The following NSD3 variants were observed in gnomAD, a reference collection of about 807,000 sequenced individuals.
NSD3 encodes the protein nuclear receptor binding SET domain protein 3, also known as histone-lysine N-methyltransferase NSD3.
NSD3 carries 24 observed loss-of-function variants against 160.8 expected under a neutral mutation model. The observed-to-expected ratio is 0.15, with a 90% CI of 0.11 to 0.21. The LOEUF is 0.21. Among genes scored for constraint, NSD3 ranks in the 10% least tolerant of loss-of-function variants. The pLI, the probability that NSD3 is intolerant of heterozygous loss-of-function variation, is 1.00. For missense variants in NSD3, 1,157 were observed against 1,735.9 expected (o/e 0.67, Z 5.93); for synonymous variants, 520 against 600.0 (o/e 0.87, Z 1.95).
intron 1 of NSD3, among the ~76,000 whole-genome samples, chr8:38,363,670 G>T (rs1049333080): frequency 3.3e-4 from 49 of 149,338 alleles, no homozygotes; most frequent in Admixed American, 6.7e-4. Flanking sequence ...AAAAGGGAAG[G>T]AAACAGCTAG....
intron 11 of NSD3, 117 bp downstream of exon 11, chr8:38,315,299 T>C (rs1033049642): frequency 1.6e-6 from 2 of 1,256,566 alleles, no homozygotes; most frequent in Non-Finnish European, 1.0e-6. Flanking sequence ...ATCTGTAGCT[T>C]TAAAGTAATA....
At chr8:38,366,186 C>G (rs960835611) in intron 1 of NSD3, among the ~76,000 whole-genome samples, 4 of 149,812 alleles carry the variant, frequency 2.7e-5, no homozygotes, top group African/African-American at 9.8e-5. Context: ...GGTCGGCAAT[C>G]TATAGTCTGC....
chr8:38,335,603 T>C (rs1810198496), intron 4 of NSD3, among the ~76,000 whole-genome samples: 1 of 151,840 alleles, frequency 6.6e-6, no homozygotes, highest in Non-Finnish European at 1.5e-5. Flanking sequence ...CATATAACCA[T>C]AGATTATTAG....
At position 38,273,637 on chromosome 8, in the gene NSD3, G is replaced by C. The variant is rs555282276; in HGVS notation, c.*2004C>G. ...ACATCATATACAAAATAAAATTTTAGTATGATAAAACCTAGCTTTTCTTAT... is the reference window on the plus strand; with the variant it reads ...ACATCATATACAAAATAAAATTTTACTATGATAAAACCTAGCTTTTCTTAT... On this transcript the variant is annotated 3_prime_UTR_variant, in exon 24 of 24. Coordinates refer to ENST00000317025, the MANE Select transcript of NSD3 (RefSeq NM_023034.2). 204 of 152,290 alleles carry C rather than the reference G, an allele frequency of 1.3e-3. No individual in the cohort carries two copies. Among genetic ancestry groups the C allele is most frequent in the African/African-American group, 4.7e-3 (196 of 41,568 alleles). 9.4% of individuals were successfully genotyped at this position (152,290 alleles called of 1,614,324 possible).
At chr8:38,367,771 AAG>A (rs1252559907) in intron 1 of NSD3, among the ~76,000 whole-genome samples, 2 of 152,184 alleles carry the variant, frequency 1.3e-5, no homozygotes, top group Non-Finnish European at 2.9e-5. Flanking sequence ...AACATTATTT[AAG>A]ATGACCATTA....
chr8:38,329,972 C>G lies in NSD3; in HGVS notation c.1066-79G>C. ...AATTGATATGTATTTCCCATGTGAT[C>G]CTGTTATCTTTTCAGGTCTACATAA... is the stretch of plus-strand genomic sequence containing the variant. On this transcript the variant is annotated intron_variant, in intron 5 of 23. Coordinates refer to ENST00000317025, the MANE Select transcript of NSD3 (RefSeq NM_023034.2). This position sits in a 1 kb window ranked among gnomAD's most constrained non-coding sequence, Gnocchi z 4.8. The G allele has an allele frequency of 6.8e-7, 1 of 1,469,710 alleles. No homozygotes were observed. The highest frequency in any genetic ancestry group is 9.0e-7 in the Non-Finnish European group (1 of 1,107,862). The allele number at this position is 1,469,710 out of a possible 1,614,324, so 91.0% of individuals were successfully genotyped here.
rs1809701933 is a variant in NSD3 at position 38,317,678 on chromosome 8, C to T, written c.1855+1217G>A. ...TAAAAACAAAAAACCAAAAACAGTC[C>T]ATGTTGAAATTGATCAGTGTAAGTT... On this transcript the variant is annotated intron_variant, in intron 9 of 23. Transcript: ENST00000317025. The surrounding 1 kb of genome is among the most constrained non-coding windows in gnomAD (Gnocchi z 5.3). The T allele has an allele frequency of 4.1e-6, 5 of 1,232,550 alleles. No homozygotes were observed. The highest frequency in any genetic ancestry group is 5.1e-6 in the Non-Finnish European group (5 of 982,592). 76.4% of individuals were successfully genotyped at this position (1,232,550 alleles called of 1,614,324 possible).
rs1808385907 is a variant in NSD3 at position 38,270,004 on chromosome 8, A to G, written c.*5637T>C. On this transcript the variant is annotated 3_prime_UTR_variant, in exon 24 of 24. Coordinates refer to ENST00000317025, the MANE Select transcript of NSD3 (RefSeq NM_023034.2). The stretch of plus-strand genomic sequence containing the variant: ...GTTAACCAAGCTTTACACGTTTCAC[A>G]CTATGCAATAAAACATAGGCCAATC... 6.6e-6 allele frequency: 1 copy of G among 152,256 alleles called. No individual in the cohort carries two copies. Among genetic ancestry groups the G allele is most frequent in the South Asian group, 2.1e-4 (1 of 4,836 alleles). The allele number at this position is 152,256 out of a possible 1,614,324, so 9.4% of individuals were successfully genotyped here. A position where few individuals can be genotyped will look rare whatever the true frequency, so the allele number is the denominator to read the frequency against.
In NSD3 at chr8:38,331,784, C is replaced by T. The variant is rs554267871; in HGVS notation, c.911-199G>A. On this transcript the variant is annotated intron_variant, in intron 4 of 23. Coordinates refer to ENST00000317025, the MANE Select transcript of NSD3 (RefSeq NM_023034.2). ...AAAAATCACCACAAATAATTGATTG[C>T]ACCACTGCACTCCAGCCTGGGTGAC... Among the ~76,000 whole-genome samples the T allele has an allele frequency of 2.6e-5, 4 of 152,336 alleles. 1 individual carries two copies. Among genetic ancestry groups the T allele is most frequent in the Non-Finnish European group, 5.9e-5 (4 of 68,032 alleles).
At chr8:38,334,521 G>C (rs1298036321) in intron 4 of NSD3, among the ~76,000 whole-genome samples, 1 of 152,074 alleles carries the variant, frequency 6.6e-6, no homozygotes, top group Non-Finnish European at 1.5e-5. Flanking sequence ...TTGGGAGGCC[G>C]AGGCAGGCAG....
chr8:38,342,883 G>T (rs1427285647), intron 2 of NSD3, among the ~76,000 whole-genome samples: 1 of 151,054 alleles, frequency 6.6e-6, no homozygotes, highest in Non-Finnish European at 1.5e-5. Flanking sequence ...TAAAACCCAA[G>T]ACATTCATTA....
chr8:38,381,728 C>T (rs960655697), intron 1 of NSD3, 71 bp downstream of exon 1: 1 of 149,248 alleles, frequency 6.7e-6, no homozygotes, highest in Non-Finnish European at 1.4e-5. Flanking sequence ...CTTCCTAGCA[C>T]TACACACGCG....
intron 1 of NSD3, among the ~76,000 whole-genome samples, chr8:38,359,877 A>T (rs532080297): frequency 6.6e-6 from 1 of 152,368 alleles, no homozygotes; most frequent in South Asian, 2.1e-4. Context: ...AACAAAATAC[A>T]GTGCTTTTAG....
rs538303392 is a variant in NSD3, at chr8:38,307,129, T to TA, written c.2243-1685dup. On this transcript the variant is annotated intron_variant, in intron 12 of 23. Coordinates refer to ENST00000317025, the MANE Select transcript of NSD3 (RefSeq NM_023034.2). ...GATACCGTCTCAAAAAAAAAAAAAA[T>TA]AAAATAAAATAAATAAATAAATAAA... 5.7e-4 allele frequency among the ~76,000 whole-genome samples: 77 copies of TA among 135,476 alleles called. 1 individual carries two copies. Among genetic ancestry groups the TA allele is most frequent in the African/African-American group, 1.9e-3 (72 of 37,054 alleles). 88.9% of individuals were successfully genotyped at this position (135,476 alleles called of 152,430 possible).
intron 1 of NSD3, among the ~76,000 whole-genome samples, chr8:38,350,116 T>A (rs1022892950): frequency 6.6e-6 from 1 of 152,224 alleles, no homozygotes; most frequent in Non-Finnish European, 1.5e-5. Flanking sequence ...TCCAAGTCTT[T>A]GCTATTGTGA....
At chr8:38,287,267 T>A (rs967098208) in intron 19 of NSD3, among the ~76,000 whole-genome samples, 5 of 152,206 alleles carry the variant, frequency 3.3e-5, no homozygotes, top group Middle Eastern at 3.2e-3. Context: ...GGGAAATAGG[T>A]TATTTATTTA....
At chr8:38,285,621 A>G (rs890461170) in intron 19 of NSD3, among the ~76,000 whole-genome samples, 1 of 152,264 alleles carries the variant, frequency 6.6e-6, no homozygotes, top group Non-Finnish European at 1.5e-5. Flanking sequence ...TGTTAACACA[A>G]TATTAAAGTG....
chr8:38,359,999 A>ATT (rs3050695), intron 1 of NSD3, among the ~76,000 whole-genome samples: 26,344 of 143,248 alleles, frequency 0.18, 2,712 homozygotes, highest in East Asian at 0.3. Flanking sequence ...CTCTCAAACA[A>ATT]TTTTTTTTTT....
chr8:38,348,102 C>G lies in NSD3; in HGVS notation c.70G>C (p.Asp24His). 1 of 1,613,710 alleles carries G rather than the reference C, an allele frequency of 6.2e-7. No individual in the cohort carries two copies. The highest frequency in any genetic ancestry group is 8.5e-7 in the Non-Finnish European group (1 of 1,179,818). The change falls in exon 2 of 24, where the codon GAC becomes CAC. Residue 24 changes from aspartate to histidine, a missense_variant. Physicochemically the swap from Asp to His is moderately conservative, Grantham distance 81. Around this residue, in one of 10 missense-constraint regions of NSD3, gnomAD observed 121 missense variants for 177.2 expected, o/e 0.68. Coordinates refer to ENST00000317025, the MANE Select transcript of NSD3 (RefSeq NM_023034.2). ...NTIQQPPQLIDSANIRQEDAF... is the reference protein window; with the variant it reads ...NTIQQPPQLIHSANIRQEDAF... ...TCCTCCTGACGGATGTTGGCGGAGT[C>G]AATGAGTTGAGGTGGTTGCTGAATT...
Sources: gnomAD v4.1 joint callset for allele counts (sites outside exome capture counted in the v4.1 genomes callset) on GRCh38, gnomAD v4.1.1 for gene constraint, gnomAD v4.1.1 regional missense constraint, Gnocchi (gnomAD v3.1) non-coding constraint, MANE v1.5 for transcripts, NCBI Gene and HGNC (gene_info 2026-07-23, HGNC 2026-07-21) for gene names.